BCOR: variants seen among roughly 807,000 people sequenced by gnomAD.
BCOR encodes BCL-6 corepressor.
In BCOR, 10 loss-of-function variants were observed where a neutral mutation model predicts 86.7. That is an observed-to-expected ratio of 0.12 (90% confidence interval 0.07 to 0.20). The LOEUF (loss-of-function observed/expected upper bound fraction) is 0.20. Among genes scored for constraint, BCOR ranks in the 10% least tolerant of loss-of-function variants. The pLI, the probability that BCOR is intolerant of heterozygous loss-of-function variation, is 1.00. For missense variants in BCOR, 1,259 were observed against 1,452.1 expected (o/e 0.87, Z 2.16); for synonymous variants, 611 against 609.0 (o/e 1.00, Z -0.05).
rs2146924074 is a variant in BCOR, at chrX:40,057,264, C to T, written c.4486G>A (p.Ala1496Thr). ...GCTTCATGCAGGGCGCAGTAACCTG[C>T]GTTGTCCCGATGATTTACATCACAA... ...KICDVNHRDN[A>T]GYCALHEACA... is the part of the protein sequence containing the mutation. Residue 1496 changes from alanine (A) to threonine (T), a missense_variant, in exon 11 of 15, where the codon GCA (alanine) becomes ACA (threonine). By Grantham distance (58) the Ala-to-Thr change is moderately conservative. Transcript: ENST00000378444. 1.7e-6 allele frequency: 2 copies of T among 1,211,822 alleles called. No individual in the cohort carries two copies. Among genetic ancestry groups the T allele is most frequent in the Non-Finnish European group, 1.1e-6 (1 of 895,321 alleles).
At chrX:40,144,442 G>A in intron 1 of BCOR, among the ~76,000 whole-genome samples, 1 of 111,966 alleles carries the variant, frequency 8.9e-6, no homozygotes, top group Non-Finnish European at 1.9e-5. Context: ...GGCTATACAT[G>A]TGGGGTATTC....
intron 1 of BCOR, among the ~76,000 whole-genome samples, chrX:40,134,853 A>C (rs1321549547): frequency 9.0e-6 from 1 of 111,510 alleles, no homozygotes; most frequent in Non-Finnish European, 1.9e-5. Context: ...ATTTTTAGAC[A>C]GTGGATTCCT....
intron 1 of BCOR, among the ~76,000 whole-genome samples, chrX:40,160,547 A>G (rs1938393196): frequency 9.1e-6 from 1 of 109,706 alleles, no homozygotes; most frequent in Non-Finnish European, 1.9e-5. Flanking sequence ...GTCAATCAAT[A>G]AAAAGAAGGC....
chrX:40,129,902 G>A (rs775972132), intron 1 of BCOR, among the ~76,000 whole-genome samples: 9 of 111,070 alleles, frequency 8.1e-5, no homozygotes, highest in Admixed American at 3.8e-4. Context: ...TTAGCTGGGC[G>A]TGGTGGCGCA....
intron 1 of BCOR, among the ~76,000 whole-genome samples, chrX:40,164,476 T>C (rs1010692001): frequency 2.0e-4 from 23 of 112,523 alleles, no homozygotes; most frequent in African/African-American, 7.1e-4. Context: ...CCCCCACCTT[T>C]GATAACGCAG....
At chrX:40,169,847 G>T (rs1569202657) in intron 1 of BCOR, among the ~76,000 whole-genome samples, 1 of 111,366 alleles carries the variant, frequency 9.0e-6, no homozygotes, top group South Asian at 3.8e-4. Flanking sequence ...TGCACGGGGG[G>T]CAATGAGGTG....
intron 1 of BCOR, among the ~76,000 whole-genome samples, chrX:40,114,359 G>A (rs373023546): frequency 7.2e-5 from 8 of 111,372 alleles, no homozygotes; most frequent in East Asian, 5.6e-4. Context: ...GGTCTCTGTC[G>A]GCTGGAGGAG....
upstream of BCOR, among the ~76,000 whole-genome samples, chrX:40,098,962 C>T (rs960776263): frequency 3.5e-5 from 4 of 112,761 alleles, no homozygotes; most frequent in Non-Finnish European, 7.5e-5. Flanking sequence ...AGCATTTTCA[C>T]GGTCTGTACC....
chrX:40,098,351 C>T (rs939645059), upstream of BCOR, among the ~76,000 whole-genome samples: 13 of 110,119 alleles, frequency 1.2e-4, no homozygotes, highest in Admixed American at 1.9e-4. Context: ...GCCTCCCCTC[C>T]CCAGCTCGGG....
At chrX:40,085,572 CTT>C (rs1377156482) in intron 1 of BCOR, among the ~76,000 whole-genome samples, 11 of 111,173 alleles carry the variant, frequency 9.9e-5, no homozygotes, top group Admixed American at 3.8e-4. Flanking sequence ...AGAGAGTAGA[CTT>C]AGGGAGGGGA....
chrX:40,091,010 C>T (rs753976950), intron 1 of BCOR, among the ~76,000 whole-genome samples: 2 of 110,898 alleles, frequency 1.8e-5, no homozygotes, highest in African/African-American at 6.6e-5. Flanking sequence ...AACACATTCC[C>T]CCTCCCCACA....
intron 1 of BCOR, among the ~76,000 whole-genome samples, chrX:40,160,535 C>A: frequency 1.0e-5 from 1 of 99,340 alleles, no homozygotes; most frequent in South Asian, 4.4e-4. Flanking sequence ...AAAAAAAAAT[C>A]AGTCAATCAA....
rs1935451036 is a variant in BCOR at position 40,071,038 on chromosome X, T to C, written c.3173A>G (p.Gln1058Arg). The C allele has an allele frequency of 3.3e-6, 4 of 1,212,040 alleles. No individual in the cohort carries two copies. The highest frequency in any genetic ancestry group is 4.5e-6 in the Non-Finnish European group (4 of 895,532). ...PADWERLKGN[Q>R]DKKPKSVTLE... ...GGTGACCGACTTTGGCTTTTTGTCC[T>C]GATTTCCTTTCAACCTTTCCCAGTC... The change falls in exon 6 of 15, where the codon CAG (glutamine) becomes CGG (arginine). Residue 1058 changes from glutamine (Q) to arginine (R), a missense_variant. Transcript: ENST00000378444.
intron 6 of BCOR, among the ~76,000 whole-genome samples, chrX:40,067,435 C>T (rs1397632240): frequency 1.8e-5 from 2 of 111,685 alleles, no homozygotes; most frequent in South Asian, 3.7e-4. Context: ...ATAAGGGGTG[C>T]GAAACACACA....
intron 1 of BCOR, among the ~76,000 whole-genome samples, chrX:40,090,824 CACG>C (rs2147604388): frequency 8.9e-6 from 1 of 111,737 alleles, no homozygotes; most frequent in Admixed American, 9.4e-5. Flanking sequence ...GTGTCCCTAG[CACG>C]ACTGCGAGCG....
At chrX:40,156,194 G>A (rs1938289736) in intron 1 of BCOR, among the ~76,000 whole-genome samples, 1 of 112,896 alleles carries the variant, frequency 8.9e-6, no homozygotes, top group South Asian at 3.6e-4. Flanking sequence ...TGGGTTGGGG[G>A]GAAGGGTAGG....
rs751656666 is a variant in BCOR at position 40,072,341 on chromosome X, G to A, written c.2997+8C>T. The A allele has an allele frequency of 1.7e-6, 2 of 1,204,345 alleles. No individual in the cohort carries two copies. The highest frequency in any genetic ancestry group is 2.2e-6 in the Non-Finnish European group (2 of 891,317). ...TAAAGTAACTGAAATTCAGGTGGGG[G>A]GGCTCACCTGCAATGCCCGTTGCTC... On this transcript the variant is annotated splice_region_variant and intron_variant, in intron 4 of 14. Transcript: ENST00000378444.
Position 40,106,973 on chromosome X carries a change from G to A in BCOR, c.-40-29004C>T, listed in dbSNP as rs748918524. On this transcript the variant is annotated intron_variant, in intron 1 of 14. Coordinates refer to the BCOR transcript ENST00000342274. Reference sequence around the variant, plus strand: ...CACAGAGACTGTGACCAGGGGTGAAGAACTCAGAGTGCGTGTCTGTGAGCC... The same window carrying A: ...CACAGAGACTGTGACCAGGGGTGAAAAACTCAGAGTGCGTGTCTGTGAGCC... 1.3e-4 allele frequency among the ~76,000 whole-genome samples: 14 copies of A among 111,010 alleles called. No homozygotes were observed. The South Asian group carries it at 5.5e-3, about 44-fold the overall frequency.
chrX:40,164,902 C>T lies in BCOR; in HGVS notation c.-41+12105G>A, dbSNP rs762574204. Reference sequence around the variant, plus strand: ...CATTCACAAAGCTAGGAATGTGCAGCAGTGCAGCTGGCCTCTGTCCCCCAC... The same window carrying T: ...CATTCACAAAGCTAGGAATGTGCAGTAGTGCAGCTGGCCTCTGTCCCCCAC... On this transcript the variant is annotated intron_variant, in intron 1 of 14. Transcript: ENST00000342274. 8.9e-5 allele frequency among the ~76,000 whole-genome samples: 10 copies of T among 112,354 alleles called. No individual in the cohort carries two copies. The South Asian group carries it at 3.3e-3, about 37-fold the overall frequency.
Sources: gnomAD v4.1 joint callset for allele counts (sites outside exome capture counted in the v4.1 genomes callset) on GRCh38, gnomAD v4.1.1 for gene constraint, MANE v1.5 for transcripts, NCBI Gene and HGNC (gene_info 2026-07-23, HGNC 2026-07-21) for gene names.